BCL6: variants seen among roughly 807,000 people sequenced by gnomAD.
BCL6 encodes the protein BCL6 transcription repressor.
Under a neutral mutation model 59.5 loss-of-function variants are expected in BCL6, and 7 were observed. That is an observed-to-expected ratio of 0.12 (90% CI 0.07 to 0.22). BCL6 has a LOEUF of 0.22. Among genes scored for constraint, BCL6 ranks in the 10% least tolerant of loss-of-function variants. The pLI, the probability that BCL6 is intolerant of heterozygous loss-of-function variation, is 1.00. For synonymous variants in BCL6, 339 were observed against 349.7 expected, an observed-to-expected ratio of 0.97 and a Z score of 0.34; for missense variants, 685 against 939.4, an observed-to-expected ratio of 0.73 and a Z score of 3.54.
chr3:187,733,583 A>C lies in BCL6; in HGVS notation c.111T>G (p.Val37=). The stretch of plus-strand genomic sequence containing the variant: ...GGGCTCTAAACTGCTCACGGCTCAC[A>C]ACAATGACAACATCAGTCAAGATGT... ...SRDILTDVVI[V]VSREQFRAHK... is the part of the protein sequence containing the mutation. The change falls in exon 3 of 10, where the codon GTT becomes GTG. Residue 37 remains valine, a synonymous_variant. Coordinates refer to ENST00000406870, the MANE Select transcript of BCL6 (RefSeq NM_001706.5). 6.2e-7 allele frequency: 1 copy of C among 1,614,118 alleles called. No homozygotes were observed. Among genetic ancestry groups the C allele is most frequent in the East Asian group, 2.2e-5 (1 of 44,880 alleles).
intron 6 of BCL6, among the ~76,000 whole-genome samples, chr3:187,727,424 T>A (rs1445153563): frequency 6.6e-6 from 1 of 152,178 alleles, no homozygotes; most frequent in Non-Finnish European, 1.5e-5. Flanking sequence ...AAGATATAGG[T>A]CAAATTCAAT....
Position 187,725,179 on chromosome 3 carries a change from C to T in BCL6, c.1840-101G>A. The T allele has an allele frequency of 6.6e-7, 1 of 1,525,274 alleles. No homozygotes were observed. The highest frequency in any genetic ancestry group is 1.4e-5 in the African/African-American group (1 of 73,202). The allele number at this position is 1,525,274 out of a possible 1,614,324, so 94.5% of individuals were successfully genotyped here. On this transcript the variant is annotated intron_variant, in intron 8 of 9. Transcript: ENST00000406870. This position sits in a 1 kb window ranked among gnomAD's most constrained non-coding sequence, Gnocchi z 4.7. Reference sequence around the variant, plus strand: ...GCCAGTGAGTGGGCCTTTCTCCAGGCCACTCTGCTCACCTGCACACAGGGA... The same window carrying T: ...GCCAGTGAGTGGGCCTTTCTCCAGGTCACTCTGCTCACCTGCACACAGGGA...
At chr3:187,730,721 A>G (rs1468632008) in intron 4 of BCL6, among the ~76,000 whole-genome samples, 1 of 152,230 alleles carries the variant, frequency 6.6e-6, no homozygotes, top group Admixed American at 6.5e-5. Context: ...AATGACAGCA[A>G]TGATGATCTT....
chr3:187,732,744 A>G (rs533810530), intron 3 of BCL6, among the ~76,000 whole-genome samples: 2 of 152,372 alleles, frequency 1.3e-5, no homozygotes, highest in South Asian at 4.1e-4. Context: ...ATAAAAATGT[A>G]AAGGATATAG....
chr3:187,744,832 G>A (rs560412554), intron 1 of BCL6, among the ~76,000 whole-genome samples: 6 of 152,222 alleles, frequency 3.9e-5, no homozygotes, highest in African/African-American at 9.6e-5. Flanking sequence ...CAGTTTGCAA[G>A]CGAGAAAAGA....
chr3:187,734,681 G>C (rs1719206511), intron 2 of BCL6, 188 bp downstream of exon 2: 1 of 152,538 alleles, frequency 6.6e-6, no homozygotes, highest in Non-Finnish European at 1.5e-5. Flanking sequence ...AACAATGATT[G>C]ACCATGCAAG....
chr3:187,745,202 C>A (rs574673413), intron 1 of BCL6, among the ~76,000 whole-genome samples: 1 of 152,144 alleles, frequency 6.6e-6, no homozygotes, highest in African/African-American at 2.4e-5. Context: ...ATTTTAACAC[C>A]TGACAGCTAG....
Position 187,745,431 on chromosome 3 carries a change from A to C in BCL6, c.-71T>G, listed in dbSNP as rs969353661. ...TCACCTGGTGTCCGGCCTTTCCTAG[A>C]AACTTCTTGCATCACCACTTCTAAG... On this transcript the variant is annotated 5_prime_UTR_variant, in exon 1 of 10. Transcript: ENST00000406870. 1 of 399,646 alleles carries C rather than the reference A, an allele frequency of 2.5e-6. No individual in the cohort carries two copies. The highest frequency in any genetic ancestry group is 2.1e-5 in the African/African-American group (1 of 48,578). The allele number at this position is 399,646 out of a possible 1,614,324, so 24.8% of individuals were successfully genotyped here.
intron 1 of BCL6, among the ~76,000 whole-genome samples, 174 bp downstream of exon 1, chr3:187,745,236 A>G (rs550865615): frequency 2.6e-5 from 4 of 152,280 alleles, no homozygotes; most frequent in East Asian, 1.9e-4. Context: ...ATACATTTAT[A>G]TCAATAGATA....
At chr3:187,740,248 T>G (rs1253721467) in intron 1 of BCL6, among the ~76,000 whole-genome samples, 3 of 150,956 alleles carry the variant, frequency 2.0e-5, no homozygotes, top group Non-Finnish European at 4.4e-5. Context: ...ACACACCCGG[T>G]TTCTCGCCAG....
At position 187,724,676 on chromosome 3, in the gene BCL6, C is replaced by A. The variant is rs1307129635; in HGVS notation, c.1977+265G>T. On this transcript the variant is annotated intron_variant, in intron 9 of 9. Coordinates refer to ENST00000406870, the MANE Select transcript of BCL6 (RefSeq NM_001706.5). ...ATGTATCCACAGTCTAGACTCCTCTCCTAAGGCCCAGATCACCTAGTCCCA... is the reference window on the plus strand; with the variant it reads ...ATGTATCCACAGTCTAGACTCCTCTACTAAGGCCCAGATCACCTAGTCCCA... 151 of 482,500 alleles carry A rather than the reference C, an allele frequency of 3.1e-4. 6 individuals are homozygous for A. The East Asian group carries it at 5.5e-3, about 18-fold the overall frequency. The allele number at this position is 482,500 out of a possible 1,614,324, so 29.9% of individuals were successfully genotyped here. A position where few individuals can be genotyped will look rare whatever the true frequency, so the allele number is the denominator to read the frequency against.
At chr3:187,736,418 CTCTTCCTTCATGG>C (rs1475849887) in intron 1 of BCL6, 6 of 152,230 alleles carry the variant, frequency 3.9e-5, no homozygotes, top group African/African-American at 1.4e-4. Flanking sequence ...AAACTTTCCT[CTCTTCCTTCATGG>C]AAGGGATCCT....
In BCL6 at chr3:187,724,932, C is replaced by T. The variant is rs780513336; in HGVS notation, c.1977+9G>A. The T allele has an allele frequency of 6.2e-7, 1 of 1,613,010 alleles. No individual in the cohort carries two copies. Among genetic ancestry groups the T allele is most frequent in the African/African-American group, 1.3e-5 (1 of 74,706 alleles). On this transcript the variant is annotated intron_variant, in intron 9 of 9. Coordinates refer to ENST00000406870, the MANE Select transcript of BCL6 (RefSeq NM_001706.5). The stretch of plus-strand genomic sequence containing the variant: ...CAGGTCAGAGAGCGGCCTCAAGAGG[C>T]TTACGTACATGGTAAGGTTTCTCTC...
Position 187,722,223 on chromosome 3 carries a change from A to G in BCL6, c.*235T>C, listed in dbSNP as rs1718454551. ...TTTGCTGACATGGTTCACCTTACAC[A>G]TAGGAGAAGAAGCAATATGATTTTC... On this transcript the variant is annotated 3_prime_UTR_variant, in exon 10 of 10. Coordinates refer to ENST00000406870, the MANE Select transcript of BCL6 (RefSeq NM_001706.5). The G allele has an allele frequency of 2.1e-6, 1 of 465,794 alleles. No individual in the cohort carries two copies. Among genetic ancestry groups the G allele is most frequent in the Admixed American group, 4.3e-5 (1 of 23,482 alleles). 28.9% of individuals were successfully genotyped at this position (465,794 alleles called of 1,614,324 possible).
rs142486803 is a variant in BCL6, at chr3:187,741,962, A to G, written c.-50+3448T>C. Among the ~76,000 whole-genome samples the G allele has an allele frequency of 7.5e-3, 1,131 of 151,652 alleles. 9 individuals carry two copies. Among genetic ancestry groups the G allele is most frequent in the Non-Finnish European group, 0.012 (819 of 67,902 alleles). Reference sequence around the variant, plus strand: ...AGAACTCTTCTACTTAAAATCAACCAGGCACCCTCCCCCCACCAAAAAAAA... The same window carrying G: ...AGAACTCTTCTACTTAAAATCAACCGGGCACCCTCCCCCCACCAAAAAAAA... On this transcript the variant is annotated intron_variant, in intron 1 of 9. Transcript: ENST00000406870.
At chr3:187,735,595 C>G (rs1560155012) in intron 1 of BCL6, among the ~76,000 whole-genome samples, 1 of 152,196 alleles carries the variant, frequency 6.6e-6, no homozygotes, top group Non-Finnish European at 1.5e-5. Context: ...GGGTCTAAGA[C>G]CAGACAGAAT....
chr3:187,728,915 T>G (rs1179722121), intron 5 of BCL6, 135 bp downstream of exon 5: 2 of 1,240,438 alleles, frequency 1.6e-6, no homozygotes, highest in Non-Finnish European at 2.2e-6. Flanking sequence ...ACTTCCTTAC[T>G]CAGACTAACT....
rs1488248344 is a variant in BCL6, at chr3:187,729,505, G to A, written c.900C>T (p.Ser300=). 6.2e-7 allele frequency: 1 copy of A among 1,613,608 alleles called. No individual in the cohort carries two copies. The highest frequency in any genetic ancestry group is 8.5e-7 in the Non-Finnish European group (1 of 1,179,846). ...CCGAGGAGGGTCTCTCTTCTTCTTT[G>A]CTGGCCTTGTCACAAGGGAAGTAGG... ...NAPYFPCDKA[S]KEEERPSSED... The change falls in exon 5 of 10, where the codon AGC becomes AGT. Residue 300 remains serine, a synonymous_variant. Transcript: ENST00000406870. The surrounding 1 kb of genome is among the most constrained non-coding windows in gnomAD (Gnocchi z 5.6).
intron 1 of BCL6, among the ~76,000 whole-genome samples, chr3:187,744,472 A>C (rs1393496744): frequency 6.6e-6 from 1 of 152,238 alleles, no homozygotes; most frequent in Admixed American, 6.5e-5. Context: ...GCTCCCCAAA[A>C]CACAGGGGCA....
Sources: gnomAD v4.1 joint callset for allele counts (sites outside exome capture counted in the v4.1 genomes callset) on GRCh38, gnomAD v4.1.1 for gene constraint, Gnocchi (gnomAD v3.1) non-coding constraint, MANE v1.5 for transcripts, NCBI Gene and HGNC (gene_info 2026-07-23, HGNC 2026-07-21) for gene names.